The following SLC23A2 variants were observed in gnomAD, a reference collection of about 807,000 sequenced individuals.
SLC23A2 encodes the protein solute carrier family 23 member 2.
SLC23A2 carries 36 observed loss-of-function variants against 73.3 expected under a neutral mutation model. The observed-to-expected ratio is 0.49, with a 90% confidence interval of 0.38 to 0.65. The LOEUF (loss-of-function observed/expected upper bound fraction) is 0.65, where lower values mean the gene tolerates loss of function less well. SLC23A2 is among the 30% of genes least tolerant of loss of function. SLC23A2 has a pLI of 0.00. For synonymous variants in SLC23A2, 343 were observed against 327.3 expected (o/e 1.05, Z -0.52); for missense variants, 507 against 841.6 (o/e 0.60, Z 4.92).
chr20:4,920,953 G>T (rs1426560732), intron 3 of SLC23A2, among the ~76,000 whole-genome samples: 1 of 152,196 alleles, frequency 6.6e-6, no homozygotes, highest in South Asian at 2.1e-4. Context: ...GAATAAAGGG[G>T]CTAGGGAGAA....
chr20:4,960,368 CTG>C (rs1344092856), intron 2 of SLC23A2, among the ~76,000 whole-genome samples: 3 of 152,206 alleles, frequency 2.0e-5, no homozygotes, highest in Non-Finnish European at 4.4e-5. Flanking sequence ...TTGGTTGAAA[CTG>C]TGTATGCACT....
chr20:4,904,678 A>G (rs955841080), intron 4 of SLC23A2, among the ~76,000 whole-genome samples: 1 of 152,274 alleles, frequency 6.6e-6, no homozygotes, highest in African/African-American at 2.4e-5. Context: ...CTCACAAAGT[A>G]ACATGACAAA....
chr20:5,006,558 T>TATTG (rs1433088947), intron 1 of SLC23A2, among the ~76,000 whole-genome samples: 1 of 139,370 alleles, frequency 7.2e-6, no homozygotes, highest in East Asian at 1.9e-4. Flanking sequence ...TTTATTTATT[T>TATTG]ATTTATTTAT....
At chr20:4,946,200 A>T (rs1205951860) in intron 2 of SLC23A2, among the ~76,000 whole-genome samples, 1 of 152,174 alleles carries the variant, frequency 6.6e-6, no homozygotes, top group African/African-American at 2.4e-5. Flanking sequence ...GAACATAGGT[A>T]CCACTGCCAA....
At chr20:4,910,039 A>G (rs1392198481) in intron 4 of SLC23A2, among the ~76,000 whole-genome samples, 6 of 152,000 alleles carry the variant, frequency 3.9e-5, no homozygotes, top group Non-Finnish European at 5.9e-5. Context: ...CTTACATGCC[A>G]CTCTGCTCAC....
chr20:4,940,771 G>A (rs114607038), intron 2 of SLC23A2, among the ~76,000 whole-genome samples: 1,773 of 152,320 alleles, frequency 0.012, 28 homozygotes, highest in African/African-American at 0.039. Flanking sequence ...TACGTGAGGC[G>A]TCTAAAATAG....
At chr20:4,964,237 C>T (rs1223531974) in intron 2 of SLC23A2, among the ~76,000 whole-genome samples, 4 of 152,018 alleles carry the variant, frequency 2.6e-5, no homozygotes, top group Admixed American at 6.6e-5. Context: ...TCAAGCAATC[C>T]GCCCACATCA....
chr20:4,930,414 A>G (rs956961719), intron 3 of SLC23A2, among the ~76,000 whole-genome samples: 2 of 152,236 alleles, frequency 1.3e-5, no homozygotes, highest in African/African-American at 4.8e-5. Flanking sequence ...GAAAAAAGAA[A>G]ATGGTAATGC....
intron 1 of SLC23A2, among the ~76,000 whole-genome samples, chr20:4,997,204 C>T (rs1568662593): frequency 6.6e-6 from 1 of 152,124 alleles, no homozygotes; most frequent in Non-Finnish European, 1.5e-5. Context: ...AGTGTGCTTG[C>T]TAAAAGCTAG....
At chr20:4,873,894 C>G (rs755850328) in intron 11 of SLC23A2, 42 bp downstream of exon 11, 25 of 1,571,638 alleles carry the variant, frequency 1.6e-5, no homozygotes, top group Non-Finnish European at 2.1e-5. Context: ...CTCAGTTGGG[C>G]CCTCGTGGGC....
intron 1 of SLC23A2, among the ~76,000 whole-genome samples, chr20:4,986,387 C>T (rs1167157253): frequency 6.6e-6 from 1 of 152,096 alleles, no homozygotes; most frequent in African/African-American, 2.4e-5. Context: ...GATCTCGGCT[C>T]ACTACAACCT....
intron 11 of SLC23A2, 83 bp from the exon 12 acceptor site, chr20:4,870,136 G>T: frequency 8.8e-7 from 1 of 1,134,840 alleles, no homozygotes; most frequent in Non-Finnish European, 1.3e-6. Flanking sequence ...CATTCTGAAC[G>T]CTGCAAGACT....
rs1930056967 is a variant in SLC23A2 at position 4,863,285 on chromosome 20, A to T, written c.1357-378T>A. 6.6e-6 allele frequency among the ~76,000 whole-genome samples: 1 copy of T among 152,168 alleles called. No individual in the cohort carries two copies. The highest frequency in any genetic ancestry group is 1.5e-5 in the Non-Finnish European group (1 of 68,016). Reference sequence around the variant, plus strand: ...TCAATGCCAACTTCCCCACACCGGAAATCAGACCAAACCCCCAGACATGTC... The same window carrying T: ...TCAATGCCAACTTCCCCACACCGGATATCAGACCAAACCCCCAGACATGTC... On this transcript the variant is annotated intron_variant, in intron 13 of 16. Coordinates refer to ENST00000338244, the MANE Select transcript of SLC23A2 (RefSeq NM_005116.6). This position sits in a 1 kb window ranked among gnomAD's most constrained non-coding sequence, Gnocchi z 4.8.
Position 4,929,227 on chromosome 20 carries a change from C to A in SLC23A2, c.108+3228G>T, listed in dbSNP as rs181106309. On this transcript the variant is annotated intron_variant, in intron 3 of 16. Transcript: ENST00000338244. The stretch of plus-strand genomic sequence containing the variant: ...ACTGCAGTGAGCTGTGATTGCTCCA[C>A]TGCACTCCAGCCTGGGCAACAGAAT... 1.5e-3 allele frequency among the ~76,000 whole-genome samples: 224 copies of A among 151,256 alleles called. 1 individual carries two copies. Among genetic ancestry groups the A allele is most frequent in the African/African-American group, 5.2e-3 (212 of 41,126 alleles).
At chr20:4,939,759 T>C (rs534173483) in intron 2 of SLC23A2, among the ~76,000 whole-genome samples, 33 of 152,330 alleles carry the variant, frequency 2.2e-4, no homozygotes, top group African/African-American at 7.7e-4. Context: ...GATAAAGGAA[T>C]CCTGCTCACC....
chr20:4,893,884 G>GT (rs754055323), intron 6 of SLC23A2, among the ~76,000 whole-genome samples: 8 of 152,168 alleles, frequency 5.3e-5, no homozygotes, highest in Non-Finnish European at 7.3e-5. Context: ...CACAGATGCC[G>GT]TAAGACTCTC....
At chr20:4,869,743 G>C (rs1036505909) in intron 12 of SLC23A2, 163 bp downstream of exon 12, 2 of 573,344 alleles carry the variant, frequency 3.5e-6, no homozygotes, top group African/African-American at 1.9e-5. Context: ...TCAGACAGTC[G>C]AAAGTAAACA....
intron 4 of SLC23A2, among the ~76,000 whole-genome samples, chr20:4,908,546 G>A (rs1350224192): frequency 2.0e-5 from 3 of 152,198 alleles, no homozygotes; most frequent in Admixed American, 1.3e-4. Context: ...AATAAAGCTT[G>A]TAGATATTAA....
chr20:4,993,409 C>CG (rs1555809505), intron 1 of SLC23A2, among the ~76,000 whole-genome samples: 4 of 67,056 alleles, frequency 6.0e-5, no homozygotes, highest in Non-Finnish European at 1.5e-4. Flanking sequence ...TGCCAAAATC[C>CG]GAAAAAAAAA....
Sources: gnomAD v4.1 joint callset for allele counts (sites outside exome capture counted in the v4.1 genomes callset) on GRCh38, gnomAD v4.1.1 for gene constraint, Gnocchi (gnomAD v3.1) non-coding constraint, MANE v1.5 for transcripts, NCBI Gene and HGNC (gene_info 2026-07-23, HGNC 2026-07-21) for gene names.